The following WHRN variants were observed in gnomAD, a reference collection of about 807,000 sequenced individuals.
WHRN encodes CASK-interacting protein CIP98.
Under a neutral mutation model 68.3 loss-of-function variants are expected in WHRN, and 41 were observed. The ratio of observed to expected loss-of-function variants is 0.60; its 90% CI spans 0.47 to 0.78. The LOEUF (loss-of-function observed/expected upper bound fraction) is 0.78. Ranked by LOEUF, WHRN falls within the 30% of genes least tolerant of loss-of-function variation. The probability of loss-of-function intolerance (pLI) is 0.00; values close to 1 mark genes in which losing one functional copy is unlikely to be tolerated. For missense variants in WHRN, 1,243 were observed against 1,244.7 expected (o/e 1.00, Z 0.02); for synonymous variants, 560 against 561.3 (o/e 1.00, Z 0.03).
rs142685292 is a variant in WHRN, at chr9:114,404,021, C to G, written c.2293G>C (p.Gly765Arg). The change falls in exon 10 of 12, where the codon GGT becomes CGT. Residue 765 changes from glycine (G) to arginine (R), a missense_variant. By Grantham distance (125) the Gly-to-Arg change is moderately radical. Transcript: ENST00000362057. ...GCCTCTGCCTCGCCAGCATCCACAC[C>G]ACTGTCCTCGCTTAGAGTCTGCCCG... Reference protein sequence around the residue: ...DSGQTLSEDSGVDAGEAEASA... With the variant: ...DSGQTLSEDSRVDAGEAEASA... 8 of 1,613,342 alleles carry G rather than the reference C, an allele frequency of 5.0e-6. No individual in the cohort carries two copies. The highest frequency in any genetic ancestry group is 5.9e-6 in the Non-Finnish European group (7 of 1,180,046).
chr9:114,450,830 C>CT (rs1181838070), intron 3 of WHRN, among the ~76,000 whole-genome samples: 12 of 148,076 alleles, frequency 8.1e-5, no homozygotes, highest in African/African-American at 2.4e-4. Flanking sequence ...TTAGTTTCCC[C>CT]CCCCGCAAAA....
chr9:114,465,843 G>A (rs1434570953), intron 3 of WHRN, among the ~76,000 whole-genome samples: 2 of 152,288 alleles, frequency 1.3e-5, no homozygotes, highest in South Asian at 2.1e-4. Context: ...GATCACAGAC[G>A]CTGGGCACAC....
chr9:114,417,615 CAGGA>C (rs749763077), intron 7 of WHRN, among the ~76,000 whole-genome samples: 6 of 152,050 alleles, frequency 3.9e-5, no homozygotes, highest in Non-Finnish European at 8.8e-5. Context: ...GAGCTCCATG[CAGGA>C]AGGGATTTTG....
rs985869886 is a variant in WHRN at position 114,480,120 on chromosome 9, T to C, written c.619-1349A>G. Among the ~76,000 whole-genome samples, 3 of 152,076 alleles carry C rather than the reference T, an allele frequency of 2.0e-5. No individual in the cohort carries two copies. In the South Asian group the frequency reaches 6.2e-4, roughly 32 times the overall value. ...AAGTTCCTTTTTTATAGCAACTAAT[T>C]CTGAGTGTGGAACACCATCTTTATT... On this transcript the variant is annotated intron_variant, in intron 1 of 11. Transcript: ENST00000362057.
intron 2 of WHRN, among the ~76,000 whole-genome samples, chr9:114,477,772 A>T (rs2133118512): frequency 6.6e-6 from 1 of 152,234 alleles, no homozygotes; most frequent in African/African-American, 2.4e-5. Context: ...GCTCTGTAAA[A>T]TGGCCAGGGC....
At chr9:114,476,237 G>C (rs1841637412) in intron 2 of WHRN, among the ~76,000 whole-genome samples, 2 of 152,060 alleles carry the variant, frequency 1.3e-5, no homozygotes, top group Admixed American at 1.3e-4. Flanking sequence ...CAAAGAGCTG[G>C]GATTACAGGT....
intron 1 of WHRN, among the ~76,000 whole-genome samples, chr9:114,497,157 C>T (rs922754096): frequency 6.6e-6 from 1 of 152,170 alleles, no homozygotes; most frequent in Non-Finnish European, 1.5e-5. Context: ...CAGCCTACAG[C>T]TTTAGAATCC....
chr9:114,426,344 G>A lies in WHRN; in HGVS notation c.1033C>T (p.Leu345=). The change falls in exon 4 of 12, where the codon CTG becomes TTG. Residue 345 remains leucine (L), a synonymous_variant. Transcript: ENST00000362057. Reference sequence around the variant, plus strand: ...ATGAGGTGCCGAGATGACTTAAGCAGCCTGACAGCCTCGTCGTGTAGGATG... The same window carrying A: ...ATGAGGTGCCGAGATGACTTAAGCAACCTGACAGCCTCGTCGTGTAGGATG... ...LNILHDEAVR[L]LKSSRHLILT... 6.2e-7 allele frequency: 1 copy of A among 1,614,066 alleles called. No individual in the cohort carries two copies. Among genetic ancestry groups the A allele is most frequent in the Admixed American group, 1.7e-5 (1 of 60,034 alleles).
chr9:114,408,459 A>G lies in WHRN; in HGVS notation c.1627-441T>C, dbSNP rs546882657. 2.0e-5 allele frequency among the ~76,000 whole-genome samples: 3 copies of G among 152,366 alleles called. No homozygotes were observed. In the South Asian group the frequency reaches 6.2e-4, roughly 32 times the overall value. On this transcript the variant is annotated intron_variant, in intron 7 of 11. Coordinates refer to ENST00000362057, the MANE Select transcript of WHRN (RefSeq NM_015404.4). ...CCCTTTTTAAAATTCTAATGGTTTT[A>G]ATCCCAAGGTGGTGGTTTAAGGTTT...
chr9:114,415,977 C>T (rs1420842230), intron 7 of WHRN, among the ~76,000 whole-genome samples: 1 of 152,140 alleles, frequency 6.6e-6, no homozygotes, highest in Non-Finnish European at 1.5e-5. Context: ...TGAGCTTCTC[C>T]CAGTTCACTG....
At chr9:114,454,675 C>A (rs901775792) in intron 3 of WHRN, among the ~76,000 whole-genome samples, 2 of 140,874 alleles carry the variant, frequency 1.4e-5, no homozygotes, top group East Asian at 4.1e-4. Context: ...AATTCCAATC[C>A]CAGGAAGCTA....
chr9:114,456,245 A>G (rs1839784398), intron 3 of WHRN, among the ~76,000 whole-genome samples: 1 of 152,266 alleles, frequency 6.6e-6, no homozygotes, highest in Non-Finnish European at 1.5e-5. Flanking sequence ...GTAGAACTGT[A>G]CATCACAGAG....
At chr9:114,407,864 C>T (rs530661492) in intron 8 of WHRN, 83 bp downstream of exon 8, 31 of 1,206,504 alleles carry the variant, frequency 2.6e-5, no homozygotes, top group African/African-American at 2.3e-4. Flanking sequence ...GCCCTTTCTC[C>T]GTGGCTGTCA....
At chr9:114,404,637 C>A (rs950710484) in intron 9 of WHRN, among the ~76,000 whole-genome samples, 1 of 151,928 alleles carries the variant, frequency 6.6e-6, no homozygotes, top group Admixed American at 6.6e-5. Context: ...AGTTTGAGAC[C>A]CTAACTTAAG....
At position 114,403,160 on chromosome 9, in the gene WHRN, G is replaced by A. The variant is rs181236103; in HGVS notation, c.2541+57C>T. ...GGAGTCGCAAAACCCTGGAGATGCT[G>A]AGAAAGGGCCTTTCAGGGGTAGGGA... On this transcript the variant is annotated intron_variant, in intron 11 of 11. Transcript: ENST00000362057. 3.9e-3 allele frequency: 6,236 copies of A among 1,610,888 alleles called. 12 individuals carry two copies. The highest frequency in any genetic ancestry group is 4.5e-3 in the Non-Finnish European group (5,278 of 1,177,392).
intron 1 of WHRN, among the ~76,000 whole-genome samples, chr9:114,500,416 GC>G (rs1240956216): frequency 6.6e-6 from 1 of 152,186 alleles, no homozygotes; most frequent in African/African-American, 2.4e-5. Flanking sequence ...TTTAGAACGT[GC>G]TGGACTAAAT....
chr9:114,423,925 T>C (rs1836554081), intron 6 of WHRN, among the ~76,000 whole-genome samples: 1 of 152,188 alleles, frequency 6.6e-6, no homozygotes, highest in Admixed American at 6.5e-5. Flanking sequence ...TTGTACAGTT[T>C]CTGGACCTCA....
intron 3 of WHRN, among the ~76,000 whole-genome samples, chr9:114,427,573 A>G (rs1448687398): frequency 6.6e-6 from 1 of 152,212 alleles, no homozygotes; most frequent in Non-Finnish European, 1.5e-5. Context: ...CAACTCCTGT[A>G]GGTTTATCCA....
chr9:114,402,443 G>GC lies in WHRN; in HGVS notation c.*310dup, dbSNP rs1834750881. 2.3e-6 allele frequency: 1 copy of GC among 427,588 alleles called. No individual in the cohort carries two copies. Among genetic ancestry groups the GC allele is most frequent in the African/African-American group, 2.0e-5 (1 of 49,914 alleles). The allele number at this position is 427,588 out of a possible 1,614,324, so 26.5% of individuals were successfully genotyped here. ...TCCTAGCTGGAGGGGGGACAGCAGT[G>GC]CCCCCAACCCAACCTGGAGAAACCA... On this transcript the variant is annotated 3_prime_UTR_variant, in exon 12 of 12. Transcript: ENST00000362057.
Sources: gnomAD v4.1 joint callset for allele counts (sites outside exome capture counted in the v4.1 genomes callset) on GRCh38, gnomAD v4.1.1 for gene constraint, MANE v1.5 for transcripts, NCBI Gene and HGNC (gene_info 2026-07-23, HGNC 2026-07-21) for gene names.